LGSN: variants seen among roughly 807,000 people sequenced by gnomAD.
LGSN encodes the protein lengsin.
A neutral mutation model predicts 19.5 loss-of-function variants in LGSN; 21 were observed. The ratio of observed to expected loss-of-function variants is 1.07; its 90% CI spans 0.76 to 1.55. The LOEUF is 1.55. LGSN is among the 40% of genes most tolerant of loss of function. The pLI, the probability that LGSN is intolerant of heterozygous loss-of-function variation, is 0.00. For missense variants in LGSN, 673 were observed against 608.5 expected, an observed-to-expected ratio of 1.11 and a Z score of -1.12; for synonymous variants, 257 against 215.6, an observed-to-expected ratio of 1.19 and a Z score of -1.68.
chr6:63,535,648 A>G, the LGSN span, among the ~76,000 whole-genome samples: 1 of 152,220 alleles, frequency 6.6e-6, no homozygotes, highest in Non-Finnish European at 1.5e-5. Flanking sequence ...ATAAAAATCA[A>G]TGTAATACTT....
chr6:63,462,943 T>C, the LGSN span, among the ~76,000 whole-genome samples: 2 of 152,208 alleles, frequency 1.3e-5, no homozygotes, highest in Non-Finnish European at 2.9e-5. Context: ...ACTATTGATT[T>C]CATGGATATT....
the LGSN span, among the ~76,000 whole-genome samples, chr6:63,391,354 C>T: frequency 7.3e-3 from 1,119 of 152,314 alleles, 8 homozygotes; most frequent in African/African-American, 0.025. Context: ...GGAACTGTAG[C>T]TCATTCAGAA....
chr6:63,537,880 A>C, the LGSN span, among the ~76,000 whole-genome samples: 1 of 152,170 alleles, frequency 6.6e-6, no homozygotes. Context: ...AGTGAGAGAG[A>C]AGTTGGGGAG....
At chr6:63,567,116 C>T in the LGSN span, among the ~76,000 whole-genome samples, 4 of 152,182 alleles carry the variant, frequency 2.6e-5, no homozygotes, top group East Asian at 1.9e-4. Flanking sequence ...AAGTCTTGAA[C>T]GCCCTCAAGG....
chr6:63,371,663 G>A, the LGSN span, among the ~76,000 whole-genome samples: 7 of 152,264 alleles, frequency 4.6e-5, no homozygotes, highest in African/African-American at 1.7e-4. Flanking sequence ...CTATAAATGA[G>A]AACCAGCAGT....
the LGSN span, among the ~76,000 whole-genome samples, chr6:63,529,481 C>G: frequency 2.0e-5 from 3 of 152,038 alleles, no homozygotes. Flanking sequence ...CCTCCTTCAC[C>G]CCTCCCTTGC....
chr6:63,531,090 GA>G, the LGSN span, among the ~76,000 whole-genome samples: 1 of 152,142 alleles, frequency 6.6e-6, no homozygotes, highest in Non-Finnish European at 1.5e-5. Context: ...TCCAAAGATA[GA>G]TCAGGTTTCA....
chr6:63,286,564 A>T (rs1767544921), intron 2 of LGSN, among the ~76,000 whole-genome samples: 1 of 152,246 alleles, frequency 6.6e-6, no homozygotes, highest in Non-Finnish European at 1.5e-5. Context: ...CCGCACCATC[A>T]GTCCACTGCA....
At chr6:63,296,936 A>G (rs1178979934) in intron 1 of LGSN, among the ~76,000 whole-genome samples, 1 of 152,086 alleles carries the variant, frequency 6.6e-6, no homozygotes, top group Non-Finnish European at 1.5e-5. Context: ...GACAAAAGAA[A>G]GGTCATTTTA....
the LGSN span, among the ~76,000 whole-genome samples, chr6:63,483,039 G>T: frequency 3.3e-5 from 5 of 152,148 alleles, no homozygotes; most frequent in Admixed American, 3.3e-4. Context: ...CTTACTGCAT[G>T]TCAGGCACTG....
At chr6:63,415,161 G>A in the LGSN span, among the ~76,000 whole-genome samples, 37 of 151,350 alleles carry the variant, frequency 2.4e-4, no homozygotes, top group African/African-American at 9.0e-4. Context: ...AACCCTGTCT[G>A]TAATAAAAAT....
the LGSN span, among the ~76,000 whole-genome samples, chr6:63,335,895 A>C: frequency 1.3e-5 from 2 of 152,154 alleles, no homozygotes; most frequent in Admixed American, 6.5e-5. Flanking sequence ...TACTATTCAC[A>C]ATAGAAGATA....
the LGSN span, among the ~76,000 whole-genome samples, chr6:63,484,411 C>G: frequency 6.6e-6 from 1 of 152,064 alleles, no homozygotes; most frequent in East Asian, 1.9e-4. Flanking sequence ...ATAGTCCCAG[C>G]TACTCAGGAG....
chr6:63,533,837 T>C, the LGSN span, among the ~76,000 whole-genome samples: 2 of 151,566 alleles, frequency 1.3e-5, no homozygotes, highest in Admixed American at 1.3e-4. Flanking sequence ...ACTTTTTTAA[T>C]TAATTAATTA....
At chr6:63,367,939 C>A in the LGSN span, among the ~76,000 whole-genome samples, 1 of 132,362 alleles carries the variant, frequency 7.6e-6, no homozygotes, top group African/African-American at 2.8e-5. Context: ...TGGGGCCTGT[C>A]GTGGGGTGGG....
the LGSN span, among the ~76,000 whole-genome samples, chr6:63,355,382 A>G: frequency 6.6e-6 from 1 of 152,212 alleles, no homozygotes; most frequent in Admixed American, 6.5e-5. Flanking sequence ...CCTCATGGTA[A>G]TTAGTCTAGT....
the LGSN span, among the ~76,000 whole-genome samples, chr6:63,342,000 A>G: frequency 1.2e-4 from 19 of 152,358 alleles, no homozygotes; most frequent in Non-Finnish European, 2.5e-4. Flanking sequence ...ATTTCATTTT[A>G]GAGCTGGTAG....
the LGSN span, among the ~76,000 whole-genome samples, chr6:63,390,016 A>G: frequency 6.6e-6 from 1 of 151,144 alleles, no homozygotes; most frequent in African/African-American, 2.4e-5. Flanking sequence ...AATGCTAAGT[A>G]GGGAGATGTA....
chr6:63,454,947 C>T, the LGSN span, among the ~76,000 whole-genome samples: 1 of 151,826 alleles, frequency 6.6e-6, no homozygotes, highest in South Asian at 2.1e-4. Context: ...CACCTGCCAC[C>T]ACGCCCGGCT....
Sources: allele counts gnomAD v4.1 joint callset (sites outside exome capture counted in the v4.1 genomes callset), GRCh38; gene constraint gnomAD v4.1.1; transcripts MANE v1.5; gene names NCBI Gene and HGNC (gene_info 2026-07-23, HGNC 2026-07-21).